The following AIG1 variants were observed in gnomAD, a reference collection of about 807,000 sequenced individuals.
AIG1 encodes the protein androgen induced 1, also known as androgen-induced gene 1 protein.
A neutral mutation model predicts 31.4 loss-of-function variants in AIG1; 23 were observed. That is an observed-to-expected ratio of 0.73 (90% CI 0.53 to 1.04). The LOEUF (loss-of-function observed/expected upper bound fraction) is 1.04, where lower values mean the gene tolerates loss of function less well. Ranked by LOEUF, AIG1 falls within the 50% of genes least tolerant of loss-of-function variation. The probability of loss-of-function intolerance (pLI) is 0.00; values close to 1 mark genes in which losing one functional copy is unlikely to be tolerated. For missense variants in AIG1, 274 were observed against 295.0 expected, an observed-to-expected ratio of 0.93 and a Z score of 0.52; for synonymous variants, 100 against 110.5, an observed-to-expected ratio of 0.90 and a Z score of 0.60.
chr6:143,106,841 C>T (rs1780847297), intron 1 of AIG1, among the ~76,000 whole-genome samples: 1 of 152,152 alleles, frequency 6.6e-6, no homozygotes, highest in South Asian at 2.1e-4. Flanking sequence ...TTACAGATTC[C>T]TTGTCTGATG....
rs1241004 is a variant in AIG1, at chr6:143,310,957, C to T, written c.516-22325C>T. ...CAGAAATTGAATGAATAATTAGTAA[C>T]CTTTTAAAACAGAAAACATTAGGTT... is the stretch of plus-strand genomic sequence containing the variant. On this transcript the variant is annotated intron_variant, in intron 4 of 5. Coordinates refer to ENST00000357847, the MANE Select transcript of AIG1 (RefSeq NM_016108.4). Among the ~76,000 whole-genome samples, 273 of 151,904 alleles carry T rather than the reference C, an allele frequency of 1.8e-3. 1 individual carries two copies. The highest frequency in any genetic ancestry group is 3.2e-3 in the Non-Finnish European group (219 of 67,762).
At chr6:143,307,932 C>T (rs1429970658) in intron 4 of AIG1, among the ~76,000 whole-genome samples, 5 of 152,246 alleles carry the variant, frequency 3.3e-5, no homozygotes, top group Non-Finnish European at 5.9e-5. Context: ...CCCCCAGCCT[C>T]GCTGCCGCCT....
At chr6:143,220,696 A>G (rs1266556894) in intron 3 of AIG1, among the ~76,000 whole-genome samples, 2 of 152,202 alleles carry the variant, frequency 1.3e-5, no homozygotes, top group East Asian at 3.8e-4. Flanking sequence ...AATGATTACA[A>G]TGACAATGAA....
At chr6:143,267,701 G>A (rs757162170) in intron 3 of AIG1, among the ~76,000 whole-genome samples, 10 of 152,328 alleles carry the variant, frequency 6.6e-5, no homozygotes, top group Non-Finnish European at 1.2e-4. Context: ...GAGGAATATG[G>A]AGTCAGGGAG....
At chr6:143,303,465 C>T (rs1371209934) in intron 4 of AIG1, among the ~76,000 whole-genome samples, 2 of 152,086 alleles carry the variant, frequency 1.3e-5, no homozygotes, top group African/African-American at 4.8e-5. Flanking sequence ...TTTCCCAGCA[C>T]CATTTATTAA....
At chr6:143,243,639 G>A (rs1028715822) in intron 3 of AIG1, among the ~76,000 whole-genome samples, 4 of 152,212 alleles carry the variant, frequency 2.6e-5, no homozygotes, top group Admixed American at 1.3e-4. Flanking sequence ...GTAGACAGTG[G>A]TAACATAGGT....
At chr6:143,169,183 A>G (rs1787257227) in intron 3 of AIG1, among the ~76,000 whole-genome samples, 1 of 152,072 alleles carries the variant, frequency 6.6e-6, no homozygotes, top group Non-Finnish European at 1.5e-5. Flanking sequence ...GCTTTTTAAA[A>G]AAATGTATAT....
chr6:143,260,817 A>G (rs1489275348), intron 3 of AIG1, among the ~76,000 whole-genome samples: 1 of 152,224 alleles, frequency 6.6e-6, no homozygotes, highest in Non-Finnish European at 1.5e-5. Flanking sequence ...GTGTAACTTC[A>G]GTAACCACTG....
At chr6:143,201,505 G>A (rs935346042) in intron 3 of AIG1, among the ~76,000 whole-genome samples, 6 of 152,098 alleles carry the variant, frequency 3.9e-5, no homozygotes, top group African/African-American at 1.2e-4. Context: ...GATATTGTGG[G>A]CTACTTATAC....
intron 2 of AIG1, among the ~76,000 whole-genome samples, chr6:143,138,462 A>G (rs1783948860): frequency 6.6e-6 from 1 of 152,176 alleles, no homozygotes; most frequent in South Asian, 2.1e-4. Flanking sequence ...TCTATATCTA[A>G]TATCTAATAT....
chr6:143,148,135 G>A (rs1784858226), intron 2 of AIG1, among the ~76,000 whole-genome samples: 1 of 152,068 alleles, frequency 6.6e-6, no homozygotes, highest in Non-Finnish European at 1.5e-5. Flanking sequence ...AGCAACCACA[G>A]TTATGTGCTG....
In AIG1 at chr6:143,299,912, G is replaced by C. The variant is rs979853005; in HGVS notation, c.515+15687G>C. ...GCTTTCCCTGACATTCTGAGTCAGT[G>C]TCAGGTGCCCCTTTCAAGTGGCACC... On this transcript the variant is annotated intron_variant, in intron 4 of 5. Transcript: ENST00000357847. This position sits in a 1 kb window ranked among gnomAD's most constrained non-coding sequence, Gnocchi z 4.1. 4.6e-5 allele frequency among the ~76,000 whole-genome samples: 7 copies of C among 152,190 alleles called. No homozygotes were observed. Among genetic ancestry groups the C allele is most frequent in the Non-Finnish European group, 1.0e-4 (7 of 68,038 alleles).
rs1318611664 is a variant in AIG1, at chr6:143,291,007, G to T, written c.515+6782G>T. ...GTTTTGGATCTAGGGGAGCTGTTGGGGGAAGGAAGGGCCTCTCCACACTGA... is the reference window on the plus strand; with the variant it reads ...GTTTTGGATCTAGGGGAGCTGTTGGTGGAAGGAAGGGCCTCTCCACACTGA... On this transcript the variant is annotated intron_variant, in intron 4 of 5. Coordinates refer to ENST00000357847, the MANE Select transcript of AIG1 (RefSeq NM_016108.4). The surrounding 1 kb of genome is among the most constrained non-coding windows in gnomAD (Gnocchi z 4.2). Among the ~76,000 whole-genome samples the T allele has an allele frequency of 6.6e-6, 1 of 152,132 alleles. No homozygotes were observed. The highest frequency in any genetic ancestry group is 1.5e-5 in the Non-Finnish European group (1 of 68,024).
downstream of AIG1, chr6:143,343,381 T>G: frequency 1.8e-6 from 1 of 568,440 alleles, no homozygotes; most frequent in Non-Finnish European, 3.5e-6. Flanking sequence ...TGGCTCTAAG[T>G]AAAACTGGGA....
At chr6:143,310,770 A>G (rs9373386) in intron 4 of AIG1, among the ~76,000 whole-genome samples, 18,233 of 151,690 alleles carry the variant, frequency 0.12, 1,483 homozygotes, top group East Asian at 0.36. Context: ...GAATCCCACT[A>G]CTGAGCCTAT....
rs1780638898 is a variant in AIG1 at position 143,104,741 on chromosome 6, T to G, written c.142-32094T>G. Among the ~76,000 whole-genome samples the G allele has an allele frequency of 3.3e-5, 5 of 151,778 alleles. No homozygotes were observed. The South Asian group carries it at 1.0e-3, about 32-fold the overall frequency. ...ACAGAAAGCTTCATCTCTACAAAAA[T>G]AAAAAATAAAAAATTAGCTGAGCAT... On this transcript the variant is annotated intron_variant, in intron 1 of 5. Transcript: ENST00000357847.
At chr6:143,196,350 A>AACACACACACACACAC (rs71784011) in intron 3 of AIG1, among the ~76,000 whole-genome samples, 25 of 141,720 alleles carry the variant, frequency 1.8e-4, no homozygotes, top group African/African-American at 2.4e-4. Context: ...CAACAAAAGC[A>AACACACACACACACAC]ACACACACAC....
chr6:143,068,446 C>T (rs951663731), intron 1 of AIG1, among the ~76,000 whole-genome samples: 1 of 152,190 alleles, frequency 6.6e-6, no homozygotes, highest in Non-Finnish European at 1.5e-5. Context: ...GGAAGCAGAG[C>T]TTTCTTGGAA....
At chr6:143,194,461 TC>T (rs1325329810) in intron 3 of AIG1, among the ~76,000 whole-genome samples, 1 of 152,150 alleles carries the variant, frequency 6.6e-6, no homozygotes, top group Non-Finnish European at 1.5e-5. Flanking sequence ...CCAAACCAAA[TC>T]GCCCTATTAT....
Sources: gnomAD v4.1 joint callset for allele counts (sites outside exome capture counted in the v4.1 genomes callset) on GRCh38, gnomAD v4.1.1 for gene constraint, Gnocchi (gnomAD v3.1) non-coding constraint, MANE v1.5 for transcripts, NCBI Gene and HGNC (gene_info 2026-07-23, HGNC 2026-07-21) for gene names.